PPARGC1A: variants seen among roughly 807,000 people sequenced by gnomAD.
PPARGC1A encodes peroxisome proliferator-activated receptor gamma coactivator 1-alpha.
PPARGC1A carries 25 observed loss-of-function variants against 88.7 expected under a neutral mutation model. The ratio of observed to expected loss-of-function variants is 0.28; its 90% CI spans 0.21 to 0.39. The LOEUF (loss-of-function observed/expected upper bound fraction) is 0.39. Among genes scored for constraint, PPARGC1A ranks in the 10% least tolerant of loss-of-function variants. The pLI, the probability that PPARGC1A is intolerant of heterozygous loss-of-function variation, is 1.00. For missense variants in PPARGC1A, 880 were observed against 968.7 expected (o/e 0.91, Z 1.22); for synonymous variants, 363 against 355.6 (o/e 1.02, Z -0.24).
At chr4:24,469,568 C>T in the PPARGC1A span, among the ~76,000 whole-genome samples, 1 of 152,232 alleles carries the variant, frequency 6.6e-6, no homozygotes, top group Non-Finnish European at 1.5e-5. Context: ...CCTCTCCCCA[C>T]CATACAATTT....
the PPARGC1A span, among the ~76,000 whole-genome samples, chr4:23,985,986 T>C: frequency 6.6e-6 from 1 of 152,032 alleles, no homozygotes; most frequent in Non-Finnish European, 1.5e-5. Flanking sequence ...TGACCCTTCA[T>C]CTCTTTAGAC....
the PPARGC1A span, among the ~76,000 whole-genome samples, chr4:23,974,183 T>C: frequency 1.3e-5 from 2 of 152,110 alleles, no homozygotes; most frequent in Admixed American, 1.3e-4. Context: ...GGCAAAAAAC[T>C]GTTCCCTGCT....
the PPARGC1A span, among the ~76,000 whole-genome samples, chr4:24,098,667 C>T: frequency 3.2e-4 from 48 of 152,238 alleles, 1 homozygote; most frequent in South Asian, 2.5e-3. Flanking sequence ...TGAATCTGAG[C>T]CATGTAGATG....
chr4:23,921,349 G>A, the PPARGC1A span, among the ~76,000 whole-genome samples: 151 of 152,304 alleles, frequency 9.9e-4, 1 homozygote, highest in African/African-American at 3.5e-3. Flanking sequence ...CTTCAACTCC[G>A]GAGAAAGTCT....
At chr4:24,089,222 G>A in the PPARGC1A span, among the ~76,000 whole-genome samples, 1 of 152,042 alleles carries the variant, frequency 6.6e-6, no homozygotes, top group South Asian at 2.1e-4. Context: ...AGTCACCCTC[G>A]CCACAAAGGC....
chr4:24,025,525 C>T, the PPARGC1A span, among the ~76,000 whole-genome samples: 6 of 152,134 alleles, frequency 3.9e-5, no homozygotes, highest in Admixed American at 6.5e-5. Flanking sequence ...CCAGCCCCAC[C>T]CCCTTTGACT....
At chr4:24,172,760 T>C in the PPARGC1A span, among the ~76,000 whole-genome samples, 2 of 152,332 alleles carry the variant, frequency 1.3e-5, no homozygotes, top group Admixed American at 6.5e-5. Context: ...AGGAAATCAA[T>C]AAAATGCAAA....
the PPARGC1A span, among the ~76,000 whole-genome samples, chr4:24,459,962 T>A: frequency 6.6e-6 from 1 of 152,162 alleles, no homozygotes; most frequent in African/African-American, 2.4e-5. Flanking sequence ...TCTCTGGAAA[T>A]AAGAGATATT....
At chr4:23,842,263 G>A (rs1421461517) in intron 2 of PPARGC1A, among the ~76,000 whole-genome samples, 1 of 152,118 alleles carries the variant, frequency 6.6e-6, no homozygotes, top group Non-Finnish European at 1.5e-5. Context: ...TTGCTGGCTG[G>A]CCCAGTGTTG....
At chr4:24,163,509 T>C in the PPARGC1A span, among the ~76,000 whole-genome samples, 3 of 152,132 alleles carry the variant, frequency 2.0e-5, no homozygotes, top group African/African-American at 7.2e-5. Flanking sequence ...TTTAAAAAAA[T>C]ATGCTGACCT....
At chr4:23,885,980 A>G (rs1253467156) in intron 1 of PPARGC1A, among the ~76,000 whole-genome samples, 2 of 151,972 alleles carry the variant, frequency 1.3e-5, no homozygotes, top group Non-Finnish European at 2.9e-5. Flanking sequence ...AGGCAAGTGG[A>G]CTCCCCTTAC....
the PPARGC1A span, among the ~76,000 whole-genome samples, chr4:24,179,186 T>A: frequency 6.6e-6 from 1 of 152,194 alleles, no homozygotes; most frequent in African/African-American, 2.4e-5. Context: ...CATTATCTCC[T>A]TTTTAGATAC....
At chr4:24,157,520 T>C in the PPARGC1A span, among the ~76,000 whole-genome samples, 1 of 152,206 alleles carries the variant, frequency 6.6e-6, no homozygotes, top group African/African-American at 2.4e-5. Flanking sequence ...TCTGAACTCC[T>C]GCATATCCTA....
At chr4:24,353,035 T>C in the PPARGC1A span, among the ~76,000 whole-genome samples, 1 of 152,106 alleles carries the variant, frequency 6.6e-6, no homozygotes, top group Non-Finnish European at 1.5e-5. Flanking sequence ...CTGGGTGACA[T>C]GTGGGACTAT....
chr4:24,356,746 C>A, the PPARGC1A span, among the ~76,000 whole-genome samples: 2 of 152,164 alleles, frequency 1.3e-5, no homozygotes, highest in Admixed American at 6.5e-5. Context: ...GCAGTCTAAG[C>A]TAAACACTGT....
chr4:23,874,370 C>T (rs900207884), intron 2 of PPARGC1A, among the ~76,000 whole-genome samples: 10 of 152,244 alleles, frequency 6.6e-5, no homozygotes, highest in East Asian at 1.9e-4. Flanking sequence ...AATGGATTGA[C>T]GATGACCTAT....
the PPARGC1A span, among the ~76,000 whole-genome samples, chr4:24,281,188 T>C: frequency 1.3e-5 from 2 of 152,228 alleles, no homozygotes; most frequent in African/African-American, 4.8e-5. Context: ...GCAAATTCAG[T>C]AACAGTGATG....
the PPARGC1A span, among the ~76,000 whole-genome samples, chr4:23,998,823 GC>G: frequency 6.6e-6 from 1 of 152,172 alleles, no homozygotes; most frequent in African/African-American, 2.4e-5. Flanking sequence ...CATACTAAAT[GC>G]CATGGTAGCT....
the PPARGC1A span, among the ~76,000 whole-genome samples, chr4:24,371,525 C>G: frequency 6.6e-6 from 1 of 152,022 alleles, no homozygotes; most frequent in South Asian, 2.1e-4. Flanking sequence ...AAAGAGCTGA[C>G]AGAATATCTC....
Sources: gnomAD v4.1 joint callset for allele counts (sites outside exome capture counted in the v4.1 genomes callset) on GRCh38, gnomAD v4.1.1 for gene constraint, MANE v1.5 for transcripts, NCBI Gene and HGNC (gene_info 2026-07-23, HGNC 2026-07-21) for gene names.